ARAP2: variants seen among roughly 807,000 people sequenced by gnomAD.
ARAP2 encodes the protein arf-GAP with Rho-GAP domain, ANK repeat and PH domain-containing protein 2.
ARAP2 carries 148 observed loss-of-function variants against 194.5 expected under a neutral mutation model. That is an observed-to-expected ratio of 0.76 (90% CI 0.67 to 0.87). ARAP2 has a LOEUF of 0.87. Ranked by LOEUF, ARAP2 falls within the 40% of genes least tolerant of loss-of-function variation. ARAP2 has a pLI of 0.00. For synonymous variants in ARAP2, 695 were observed against 683.5 expected, an observed-to-expected ratio of 1.02 and a Z score of -0.26; for missense variants, 2,128 against 1,989.7, an observed-to-expected ratio of 1.07 and a Z score of -1.32.
At chr4:36,189,602 T>G (rs1295947099) in intron 7 of ARAP2, among the ~76,000 whole-genome samples, 1 of 152,176 alleles carries the variant, frequency 6.6e-6, no homozygotes, top group Non-Finnish European at 1.5e-5. Flanking sequence ...TCTGTACTAC[T>G]TTTTACTTTG....
chr4:36,165,854 T>C (rs1392848615), intron 10 of ARAP2, among the ~76,000 whole-genome samples: 2 of 152,154 alleles, frequency 1.3e-5, no homozygotes, highest in Non-Finnish European at 2.9e-5. Flanking sequence ...TGATTCATAT[T>C]AAAATTTTCT....
At chr4:36,163,138 TG>T (rs1734478032) in intron 11 of ARAP2, among the ~76,000 whole-genome samples, 1 of 151,872 alleles carries the variant, frequency 6.6e-6, no homozygotes, top group South Asian at 2.1e-4. Flanking sequence ...AAAATGAGTG[TG>T]GAATTAAAGT....
At chr4:36,137,385 G>T (rs1343711894) in intron 19 of ARAP2, among the ~76,000 whole-genome samples, 1 of 151,810 alleles carries the variant, frequency 6.6e-6, no homozygotes, top group African/African-American at 2.4e-5. Context: ...AATGAGCAGA[G>T]AATGCATAAT....
chr4:36,205,626 GTTTA>G (rs1745380678), intron 6 of ARAP2, among the ~76,000 whole-genome samples: 1 of 151,296 alleles, frequency 6.6e-6, no homozygotes, highest in African/African-American at 2.4e-5. Context: ...GAAAATCGAG[GTTTA>G]TTGAGCATCA....
At chr4:36,128,504 A>ACACACACACACAC in intron 21 of ARAP2, 29 bp downstream of exon 21, 5 of 1,532,602 alleles carry the variant, frequency 3.3e-6, no homozygotes, top group South Asian at 1.1e-5. Context: ...ACACACACAC[A>ACACACACACACAC]TATCTACAAA....
chr4:36,137,026 T>C lies in ARAP2; in HGVS notation c.3264-3637A>G, dbSNP rs368850460. Among the ~76,000 whole-genome samples the C allele has an allele frequency of 4.0e-5, 6 of 151,878 alleles. No homozygotes were observed. The East Asian group carries it at 1.2e-3, about 29-fold the overall frequency. ...TTTATCAAAGATCTAAAATGTTTAATGTTCATCACTGGAGTATAACAAGAT... is the reference window on the plus strand; with the variant it reads ...TTTATCAAAGATCTAAAATGTTTAACGTTCATCACTGGAGTATAACAAGAT... On this transcript the variant is annotated intron_variant, in intron 19 of 32. Coordinates refer to ENST00000303965, the MANE Select transcript of ARAP2 (RefSeq NM_015230.4).
Position 36,092,036 on chromosome 4 carries a change from T to C in ARAP2, c.4286-16A>G. On this transcript the variant is annotated splice_polypyrimidine_tract_variant and intron_variant, in intron 27 of 32. Transcript: ENST00000303965. ...GTACTCCGGTCTGTAAAGTACAGCATTACTTTTGTGAGTTGGGTACGTTTT... is the reference window on the plus strand; with the variant it reads ...GTACTCCGGTCTGTAAAGTACAGCACTACTTTTGTGAGTTGGGTACGTTTT... 6.7e-7 allele frequency: 1 copy of C among 1,491,042 alleles called. No homozygotes were observed. The highest frequency in any genetic ancestry group is 9.1e-7 in the Non-Finnish European group (1 of 1,104,732). 92.4% of individuals were successfully genotyped at this position (1,491,042 alleles called of 1,614,324 possible). A position where few individuals can be genotyped will look rare whatever the true frequency, so the allele number is the denominator to read the frequency against.
intron 1 of ARAP2, among the ~76,000 whole-genome samples, chr4:36,059,360 T>C (rs1441447119): frequency 1.3e-5 from 2 of 152,132 alleles, no homozygotes; most frequent in Admixed American, 1.3e-4. Flanking sequence ...TCAGAAAAGA[T>C]ATAATCAACG....
At chr4:36,052,406 C>G (rs1404893045) in intron 2 of ARAP2, among the ~76,000 whole-genome samples, 1 of 152,142 alleles carries the variant, frequency 6.6e-6, no homozygotes, top group Non-Finnish European at 1.5e-5. Context: ...TAATTGAGTT[C>G]TAAAGCAACG....
downstream of ARAP2, chr4:36,065,493 T>C (rs887403147): frequency 3.1e-6 from 1 of 326,026 alleles, no homozygotes; most frequent in Non-Finnish European, 6.3e-6. Flanking sequence ...TCCCTAGAAA[T>C]GGGGACAGCA....
chr4:36,186,267 G>A (rs1047002088), intron 8 of ARAP2, among the ~76,000 whole-genome samples: 2 of 152,106 alleles, frequency 1.3e-5, no homozygotes, highest in African/African-American at 2.4e-5. Context: ...TATTATGATA[G>A]TCAAATAAAA....
chr4:36,146,980 A>T (rs1729776811), intron 19 of ARAP2, among the ~76,000 whole-genome samples: 1 of 152,060 alleles, frequency 6.6e-6, no homozygotes, highest in Non-Finnish European at 1.5e-5. Context: ...TATTCTTACA[A>T]TGAAGATATA....
chr4:36,223,576 C>A (rs73130410), intron 2 of ARAP2, among the ~76,000 whole-genome samples: 1 of 152,056 alleles, frequency 6.6e-6, no homozygotes, highest in African/African-American at 2.4e-5. Context: ...CCCTACCCCA[C>A]AAAATTCATA....
chr4:36,072,344 T>C (rs1284795462), intron 32 of ARAP2, among the ~76,000 whole-genome samples: 3 of 152,158 alleles, frequency 2.0e-5, no homozygotes, highest in African/African-American at 7.2e-5. Context: ...TCAGTTTTCC[T>C]ATCTTAAATA....
chr4:36,187,117 A>T (rs999344501), intron 8 of ARAP2, among the ~76,000 whole-genome samples: 1 of 152,218 alleles, frequency 6.6e-6, no homozygotes, highest in African/African-American at 2.4e-5. Flanking sequence ...TTGCATATCA[A>T]ATAACTATTT....
intron 9 of ARAP2, among the ~76,000 whole-genome samples, chr4:36,008,160 T>C (rs2109301930): frequency 6.6e-6 from 1 of 152,232 alleles, no homozygotes. Flanking sequence ...ATCAAATTAC[T>C]AATGTCATTT....
At chr4:36,094,155 A>G (rs1355775131) in intron 27 of ARAP2, among the ~76,000 whole-genome samples, 3 of 152,178 alleles carry the variant, frequency 2.0e-5, no homozygotes, top group Non-Finnish European at 4.4e-5. Context: ...TTATTTTTAT[A>G]TGGCCCATGA....
At chr4:36,089,174 T>C (rs1006279355) in intron 28 of ARAP2, among the ~76,000 whole-genome samples, 1 of 152,104 alleles carries the variant, frequency 6.6e-6, no homozygotes, top group Admixed American at 6.6e-5. Context: ...CTGACTTCTA[T>C]CACCATAGAA....
chr4:36,097,884 G>A lies in ARAP2; in HGVS notation c.4286-5864C>T, dbSNP rs546677671. Reference sequence around the variant, plus strand: ...GAAAGGTCTTTAAAATTAAAACTGCGGGTAACAAAACAAACATGTATTGTA... The same window carrying A: ...GAAAGGTCTTTAAAATTAAAACTGCAGGTAACAAAACAAACATGTATTGTA... On this transcript the variant is annotated intron_variant, in intron 27 of 32. Transcript: ENST00000303965. Among the ~76,000 whole-genome samples, 4 of 151,982 alleles carry A rather than the reference G, an allele frequency of 2.6e-5. No homozygotes were observed. The South Asian group carries it at 8.3e-4, about 32-fold the overall frequency.
Sources: allele counts gnomAD v4.1 joint callset (sites outside exome capture counted in the v4.1 genomes callset), GRCh38; gene constraint gnomAD v4.1.1; transcripts MANE v1.5; gene names NCBI Gene and HGNC (gene_info 2026-07-23, HGNC 2026-07-21).